LEO1: variants seen among roughly 807,000 people sequenced by gnomAD.
The protein encoded by LEO1 is LEO1 component of Paf1/RNA polymerase II complex.
Under a neutral mutation model 80.4 loss-of-function variants are expected in LEO1, and 34 were observed. That is an observed-to-expected ratio of 0.42 (90% CI 0.32 to 0.56). LEO1 has a LOEUF of 0.56. LEO1 is among the 20% of genes least tolerant of loss of function. The pLI is 0.10. For missense variants in LEO1, 631 were observed against 814.2 expected, an observed-to-expected ratio of 0.77 and a Z score of 2.74; for synonymous variants, 262 against 274.9, an observed-to-expected ratio of 0.95 and a Z score of 0.46.
chr15:51,958,294 GA>G (rs11383313), intron 6 of LEO1, among the ~76,000 whole-genome samples: 28 of 140,882 alleles, frequency 2.0e-4, no homozygotes, highest in Non-Finnish European at 3.9e-4. Flanking sequence ...CATATCTACA[GA>G]AAAAAAAAAA....
At chr15:51,940,380 G>A (rs1232267438) in intron 11 of LEO1, among the ~76,000 whole-genome samples, 1 of 150,678 alleles carries the variant, frequency 6.6e-6, no homozygotes, top group Non-Finnish European at 1.5e-5. Flanking sequence ...CCAACATGGT[G>A]AAACCCCATC....
At chr15:51,954,751 T>A (rs1273544908) in intron 6 of LEO1, 176 bp from the exon 7 acceptor site, 2 of 562,962 alleles carry the variant, frequency 3.6e-6, no homozygotes, top group African/African-American at 3.8e-5. Flanking sequence ...GTTGGATAAA[T>A]TAAAAGCAGG....
intron 3 of LEO1, among the ~76,000 whole-genome samples, chr15:51,961,679 C>A (rs982820762): frequency 1.3e-5 from 2 of 150,972 alleles, no homozygotes; most frequent in Non-Finnish European, 2.9e-5. Context: ...CAGGCGTGAG[C>A]CACTGCACCC....
At chr15:51,946,560 CTTT>C (rs879299783) in intron 11 of LEO1, among the ~76,000 whole-genome samples, 1 of 144,922 alleles carries the variant, frequency 6.9e-6, no homozygotes. Flanking sequence ...AAATCATTTT[CTTT>C]TTTTTTTTTT....
At position 51,953,259 on chromosome 15, in the gene LEO1, A is replaced by C. The variant is rs2056963219; in HGVS notation, c.1345T>G (p.Ser449Ala). Residue 449 changes from serine (S) to alanine (A), a missense_variant, in exon 8 of 12, where the codon TCC (serine) becomes GCC (alanine). This residue lies in a region of LEO1 where 95 missense variants were observed against 171.7 expected (regional missense o/e 0.55). Coordinates refer to ENST00000299601, the MANE Select transcript of LEO1 (RefSeq NM_138792.4). Reference sequence around the variant, plus strand: ...AACACTTCATTGCCTAAATGCAGGGACATGCTGGAAAGAGAAACATTTCAT... The same window carrying C: ...AACACTTCATTGCCTAAATGCAGGGCCATGCTGGAAAGAGAAACATTTCAT... ...RIVKWSDGSM[S>A]LHLGNEVFDV... The C allele has an allele frequency of 6.2e-7, 1 of 1,612,564 alleles. No individual in the cohort carries two copies.
intron 1 of LEO1, among the ~76,000 whole-genome samples, chr15:51,967,434 T>C (rs1730297050): frequency 6.6e-6 from 1 of 152,088 alleles, no homozygotes; most frequent in Non-Finnish European, 1.5e-5. Context: ...GACCACACCA[T>C]TGCACTCTAG....
chr15:51,944,783 T>A (rs932062841), intron 11 of LEO1, among the ~76,000 whole-genome samples: 1 of 152,140 alleles, frequency 6.6e-6, no homozygotes, highest in Non-Finnish European at 1.5e-5. Context: ...GTAATAAAAC[T>A]TTATATTAAT....
At chr15:51,943,060 T>A (rs1016138021) in intron 11 of LEO1, among the ~76,000 whole-genome samples, 2 of 151,364 alleles carry the variant, frequency 1.3e-5, no homozygotes, top group African/African-American at 2.4e-5. Flanking sequence ...TGAGACCAGC[T>A]TGGGCAACAA....
At position 51,971,751 on chromosome 15, in the gene LEO1, C is replaced by G. The variant is rs780338308; in HGVS notation, c.-6G>C. On this transcript the variant is annotated 5_prime_UTR_variant, in exon 1 of 12. Transcript: ENST00000299601. ...AGATCCTCCATATCCGCCATTATCG[C>G]TCACGTCCGCTGCTGCCTCGGTTAG... 4.8e-5 allele frequency: 78 copies of G among 1,614,040 alleles called. No homozygotes were observed. The highest frequency in any genetic ancestry group is 6.5e-5 in the Non-Finnish European group (77 of 1,180,016).
chr15:51,949,785 T>C, intron 10 of LEO1, 23 bp downstream of exon 10: 1 of 1,593,614 alleles, frequency 6.3e-7, no homozygotes, highest in Non-Finnish European at 8.6e-7. Flanking sequence ...AATGATGAAA[T>C]GTAATTTCCA....
intron 2 of LEO1, among the ~76,000 whole-genome samples, chr15:51,963,433 A>T (rs17649801): frequency 0.014 from 2,125 of 152,308 alleles, 83 homozygotes; most frequent in East Asian, 0.071. Context: ...TAGAAGGGCC[A>T]ATTATTTACG....
chr15:51,955,320 ACT>A (rs1214451750), intron 6 of LEO1, among the ~76,000 whole-genome samples: 1 of 152,040 alleles, frequency 6.6e-6, no homozygotes, highest in Non-Finnish European at 1.5e-5. Flanking sequence ...GAGACCAAAA[ACT>A]CTGCCTATTG....
intron 2 of LEO1, among the ~76,000 whole-genome samples, chr15:51,963,526 T>C (rs1401114300): frequency 6.6e-6 from 1 of 152,218 alleles, no homozygotes; most frequent in Non-Finnish European, 1.5e-5. Flanking sequence ...TTCCCTACTA[T>C]GACCCTGCCC....
At chr15:51,950,824 G>A (rs913219351) in intron 9 of LEO1, among the ~76,000 whole-genome samples, 6 of 152,250 alleles carry the variant, frequency 3.9e-5, no homozygotes, top group Admixed American at 1.3e-4. Context: ...CAGGAGCTGG[G>A]GACATGGAGG....
chr15:51,958,615 T>A, intron 6 of LEO1, 127 bp downstream of exon 6: 1 of 633,110 alleles, frequency 1.6e-6, no homozygotes, highest in Non-Finnish European at 2.8e-6. Flanking sequence ...ACAAAAGCAA[T>A]CAAAAGAACA....
At chr15:51,945,912 T>C (rs2056896247) in intron 11 of LEO1, among the ~76,000 whole-genome samples, 1 of 151,810 alleles carries the variant, frequency 6.6e-6, no homozygotes, top group African/African-American at 2.4e-5. Flanking sequence ...CAGGCGCCTG[T>C]AGTCCCAGCT....
intron 6 of LEO1, chr15:51,954,933 ATTT>A (rs34049838): frequency 5.8e-4 from 81 of 140,510 alleles, no homozygotes; most frequent in Middle Eastern, 3.2e-3. Flanking sequence ...TGAGGCAGAA[ATTT>A]TTTTTTTTTT....
At chr15:51,970,311 C>A (rs902255801) in intron 1 of LEO1, among the ~76,000 whole-genome samples, 1 of 152,146 alleles carries the variant, frequency 6.6e-6, no homozygotes, top group African/African-American at 2.4e-5. Flanking sequence ...GCACGCACGA[C>A]CACACCTGGC....
Position 51,949,897 on chromosome 15 carries a change from A to G in LEO1, c.1709T>C (p.Leu570Pro). The change falls in exon 10 of 12, where the codon CTG (leucine) becomes CCG (proline). Residue 570 changes from leucine to proline, a missense_variant. Coordinates refer to ENST00000299601, the MANE Select transcript of LEO1 (RefSeq NM_138792.4). ...CTCCTCATCGTATCGATCAGGTTCCAGGTAACTGGCGCTCAGCCCCCGCTG... is the reference window on the plus strand; with the variant it reads ...CTCCTCATCGTATCGATCAGGTTCCGGGTAACTGGCGCTCAGCCCCCGCTG... ...QHQRGLSASY[L>P]EPDRYDEEEE... is the part of the protein sequence containing the mutation. The G allele has an allele frequency of 1.2e-6, 2 of 1,614,000 alleles. No individual in the cohort carries two copies. The highest frequency in any genetic ancestry group is 1.7e-6 in the Non-Finnish European group (2 of 1,180,012).
Sources: gnomAD v4.1 joint callset for allele counts (sites outside exome capture counted in the v4.1 genomes callset) on GRCh38, gnomAD v4.1.1 for gene constraint, gnomAD v4.1.1 regional missense constraint, MANE v1.5 for transcripts, NCBI Gene and HGNC (gene_info 2026-07-23, HGNC 2026-07-21) for gene names.